The following SRPK3 variants were observed in gnomAD, a reference collection of about 807,000 sequenced individuals.
SRPK3 encodes SRSF protein kinase 3.
SRPK3 carries 26 observed loss-of-function variants against 45.3 expected under a neutral mutation model. That is an observed-to-expected ratio of 0.57 (90% confidence interval 0.42 to 0.80). The LOEUF (loss-of-function observed/expected upper bound fraction) is 0.80, where lower values mean the gene tolerates loss of function less well. SRPK3 is among the 30% of genes least tolerant of loss of function. The probability of loss-of-function intolerance (pLI) is 0.00; values close to 1 mark genes in which losing one functional copy is unlikely to be tolerated. For missense variants in SRPK3, 536 were observed against 514.5 expected (o/e 1.04, Z -0.40); for synonymous variants, 254 against 226.6 (o/e 1.12, Z -1.09).
rs1196414259 is a variant in SRPK3, at chrX:153,781,812, G to A, written c.369G>A (p.Glu123=). The A allele has an allele frequency of 4.1e-6, 5 of 1,210,404 alleles. No individual in the cohort carries two copies. Among genetic ancestry groups the A allele is most frequent in the African/African-American group, 1.7e-5 (1 of 57,548 alleles). The part of the protein sequence containing the change: ...AGHYTETAVD[E]IKLLKCVRDS... ...ATTACACGGAGACAGCTGTGGATGA[G>A]ATCAAGCTCCTGAAATGTGTGAGGC... is the stretch of plus-strand genomic sequence containing the variant. Residue 123 remains glutamate, a synonymous_variant, in exon 4 of 15, where the codon GAG becomes GAA. Transcript: ENST00000370101.
chrX:153,783,730 G>A, intron 8 of SRPK3, 22 bp from the exon 9 acceptor site: 2 of 1,209,830 alleles, frequency 1.7e-6, no homozygotes, highest in South Asian at 3.5e-5. Context: ...CAGGAACCCT[G>A]GGGTGACCCT....
rs1475653143 is a variant in SRPK3, at chrX:153,781,086, G to A, written c.-1G>A. 16 of 1,079,251 alleles carry A rather than the reference G, an allele frequency of 1.5e-5. No individual in the cohort carries two copies. In the African/African-American group the frequency reaches 2.5e-4, roughly 17 times the overall value. 88.9% of individuals were successfully genotyped at this position (1,079,251 alleles called of 1,213,427 possible). On this transcript the variant is annotated 5_prime_UTR_variant, in exon 1 of 15. Transcript: ENST00000370101. ...CCGGAGCTGCGGGCTGCGTGGCCGG[G>A]ATGAGCGCCAGCACGGGCGGTGGTG... is the stretch of plus-strand genomic sequence containing the variant.
Position 153,782,803 on chromosome X carries a change from C to T in SRPK3, c.507C>T (p.His169=). Residue 169 remains histidine, a synonymous_variant, in exon 6 of 15, where the codon CAC becomes CAT. Coordinates refer to ENST00000370101, the MANE Select transcript of SRPK3 (RefSeq NM_014370.4). ...HVCMVLEVLG[H]QLLKWIIKSN... Reference sequence around the variant, plus strand: ...GCATGGTGCTGGAGGTGCTGGGCCACCAGCTCCTCAAATGGATCATCAAGT... The same window carrying T: ...GCATGGTGCTGGAGGTGCTGGGCCATCAGCTCCTCAAATGGATCATCAAGT... 5 of 1,210,715 alleles carry T rather than the reference C, an allele frequency of 4.1e-6. No homozygotes were observed. The highest frequency in any genetic ancestry group is 5.6e-6 in the Non-Finnish European group (5 of 895,159).
At position 153,782,858 on chromosome X, in the gene SRPK3, G is replaced by C. The variant is rs374171969; in HGVS notation, c.562G>C (p.Val188Leu). 3 of 1,209,454 alleles carry C rather than the reference G, an allele frequency of 2.5e-6. No homozygotes were observed. Among genetic ancestry groups the C allele is most frequent in the Non-Finnish European group, 3.4e-6 (3 of 894,701 alleles). ...CTACCAGGGCCTGCCCGTGCCCTGC[G>C]TGAAGAGCATCGTGAGGCAGGTGAG... ...SNYQGLPVPC[V>L]KSIVRQVLHG... Residue 188 changes from valine to leucine, a missense_variant, in exon 6 of 15, where the codon GTG becomes CTG. Transcript: ENST00000370101.
rs782105285 is a variant in SRPK3 at position 153,781,902 on chromosome X, C to T, written c.387+72C>T. 534 of 1,131,159 alleles carry T rather than the reference C, an allele frequency of 4.7e-4. 4 individuals are homozygous for T. In the Middle Eastern group the frequency reaches 5.2e-3, roughly 11 times the overall value. 93.2% of individuals were successfully genotyped at this position (1,131,159 alleles called of 1,213,427 possible). Reference sequence around the variant, plus strand: ...GGGCCTGGCAATGCGGGTGCAAGGCCTGCCGGGGCTCTGTGGGGCAGGGCG... The same window carrying T: ...GGGCCTGGCAATGCGGGTGCAAGGCTTGCCGGGGCTCTGTGGGGCAGGGCG... On this transcript the variant is annotated intron_variant, in intron 4 of 14. Transcript: ENST00000370101.
Position 153,784,348 on chromosome X carries a change from A to T in SRPK3, c.1202A>T (p.Asp401Val), listed in dbSNP as rs960338295. 1.7e-6 allele frequency: 2 copies of T among 1,210,324 alleles called. No individual in the cohort carries two copies. Among genetic ancestry groups the T allele is most frequent in the Admixed American group, 2.2e-5 (1 of 45,962 alleles). ...AACCCCCTGGAGCCCCAAAATGCAG[A>T]TAAGATCAAGATCAAGATCGCAGAC... ...LVNPLEPQNA[D>V]KIKIKIADLG... Residue 401 changes from aspartate (D) to valine (V), a missense_variant, in exon 11 of 15, where the codon GAT (aspartate) becomes GTT (valine). Coordinates refer to ENST00000370101, the MANE Select transcript of SRPK3 (RefSeq NM_014370.4).
In SRPK3 at chrX:153,785,693, AGT is replaced by A. The variant is rs1345951304; in HGVS notation, c.*180_*181del. On this transcript the variant is annotated 3_prime_UTR_variant, in exon 15 of 15. Transcript: ENST00000370101. ...GACCCCCGTGAGGGCTCTCGGAGAA[AGT>A]GTGTGTATTCCTTTCTTAATAAAGT... 7.6e-6 allele frequency: 6 copies of A among 790,040 alleles called. No homozygotes were observed. The highest frequency in any genetic ancestry group is 9.1e-6 in the Non-Finnish European group (5 of 548,689). The allele number at this position is 790,040 out of a possible 1,213,427, so 65.1% of individuals were successfully genotyped here.
rs1204687697 is a variant in SRPK3, at chrX:153,785,674, C to T, written c.*154C>T. 3.0e-5 allele frequency: 24 copies of T among 799,785 alleles called. No homozygotes were observed. Among genetic ancestry groups the T allele is most frequent in the Non-Finnish European group, 3.9e-5 (22 of 560,572 alleles). The allele number at this position is 799,785 out of a possible 1,213,427, so 65.9% of individuals were successfully genotyped here. Reference sequence around the variant, plus strand: ...CAGAGCGTGTTCTGCCTGAGACCCCCGTGAGGGCTCTCGGAGAAAGTGTGT... The same window carrying T: ...CAGAGCGTGTTCTGCCTGAGACCCCTGTGAGGGCTCTCGGAGAAAGTGTGT... On this transcript the variant is annotated 3_prime_UTR_variant, in exon 15 of 15. Transcript: ENST00000370101.
chrX:153,782,822 A>G lies in SRPK3; in HGVS notation c.526A>G (p.Ile176Val), dbSNP rs1487535563. Residue 176 changes from isoleucine (I) to valine (V), a missense_variant, in exon 6 of 15, where the codon ATC (isoleucine) becomes GTC (valine). By Grantham distance (29) the Ile-to-Val change is conservative (BLOSUM62 3). Coordinates refer to ENST00000370101, the MANE Select transcript of SRPK3 (RefSeq NM_014370.4). ...VLGHQLLKWIIKSNYQGLPVP... is the reference protein window; with the variant it reads ...VLGHQLLKWIVKSNYQGLPVP... ...GGGCCACCAGCTCCTCAAATGGATC[A>G]TCAAGTCCAACTACCAGGGCCTGCC... The G allele has an allele frequency of 1.7e-6, 2 of 1,210,074 alleles. No homozygotes were observed. Among genetic ancestry groups the G allele is most frequent in the East Asian group, 5.9e-5 (2 of 33,777 alleles).
Position 153,784,301 on chromosome X carries a change from C to T in SRPK3, c.1155C>T (p.Phe385=), listed in dbSNP as rs370387545. 53 of 1,210,012 alleles carry T rather than the reference C, an allele frequency of 4.4e-5. No individual in the cohort carries two copies. Among genetic ancestry groups the T allele is most frequent in the Non-Finnish European group, 5.7e-5 (51 of 895,214 alleles). ...CTGCTCTGCCTTCCCCAGCACCATT[C>T]GGTGCCTCGAACCTCCTGGTGAACC... The part of the protein sequence containing the change: ...TGGLLSPSTP[F]GASNLLVNPL... Residue 385 remains phenylalanine (F), a synonymous_variant, in exon 11 of 15, where the codon TTC becomes TTT. Transcript: ENST00000370101.
At position 153,783,800 on chromosome X, in the gene SRPK3, C is replaced by T. The variant is rs781973588; in HGVS notation, c.823C>T (p.Arg275Trp). ...CAAGAGGAAGAAGATGAGGCGCAAACGGAAACAGCAGAAGCGGCTGCTGGA... is the reference window on the plus strand; with the variant it reads ...CAAGAGGAAGAAGATGAGGCGCAAATGGAAACAGCAGAAGCGGCTGCTGGA... ...KNKRKKMRRK[R>W]KQQKRLLEER... is the part of the protein sequence containing the mutation. Residue 275 changes from arginine to tryptophan, a missense_variant, in exon 9 of 15, where the codon CGG becomes TGG. Transcript: ENST00000370101. 5.0e-6 allele frequency: 6 copies of T among 1,209,363 alleles called. No individual in the cohort carries two copies. The highest frequency in any genetic ancestry group is 5.9e-5 in the East Asian group (2 of 33,770).
rs782242492 is a variant in SRPK3 at position 153,784,178 on chromosome X, A to G, written c.1112A>G (p.Asn371Ser). Residue 371 changes from asparagine to serine, a missense_variant, in exon 10 of 15, where the codon AAT (asparagine) becomes AGT (serine). Transcript: ENST00000370101. ...TGCTCCATCCTCTCCGGCTCGTCCA[A>G]TCAGCGAGAGACCGGGGGCCTCCTG... ...ASCSILSGSS[N>S]QRETGGLLSP... is the part of the protein sequence containing the mutation. 35 of 1,209,514 alleles carry G rather than the reference A, an allele frequency of 2.9e-5. No homozygotes were observed. The highest frequency in any genetic ancestry group is 4.5e-6 in the Non-Finnish European group (4 of 895,204).
intron 8 of SRPK3, 136 bp downstream of exon 8, chrX:153,783,387 G>A (rs1023502714): frequency 1.8e-5 from 9 of 496,669 alleles, no homozygotes; most frequent in Non-Finnish European, 2.0e-5. Context: ...CTGGGTGGCT[G>A]GGCTGACGGT....
intron 11 of SRPK3, 103 bp downstream of exon 11, chrX:153,784,497 C>A: frequency 1.0e-6 from 1 of 961,252 alleles, no homozygotes; most frequent in South Asian, 2.2e-5. Context: ...TGCACGTGAA[C>A]CGTCGGCTGG....
rs781933194 is a variant in SRPK3, at chrX:153,781,221, AGGCCTCCTGCGGGCCCGAGTCCTC to A, written c.68_91del (p.Ala23_Ser30del). 1.5e-5 allele frequency: 18 copies of A among 1,205,969 alleles called. No individual in the cohort carries two copies. Among genetic ancestry groups the A allele is most frequent in the Non-Finnish European group, 2.0e-5 (18 of 893,337 alleles). ...GCCACTCACCCCACCCGCAGCTCAC[AGGCCTCCTGCGGGCCCGAGTCCTC>A]GGGCTCCGAACTAGCCCTGGCCACA... is the stretch of plus-strand genomic sequence containing the variant. On this transcript the variant is annotated inframe_deletion, in exon 2 of 15. Coordinates refer to ENST00000370101, the MANE Select transcript of SRPK3 (RefSeq NM_014370.4).
At position 153,781,070 on chromosome X, in the gene SRPK3, C is replaced by T. The variant is rs1557066582; in HGVS notation, c.-17C>T. 11 of 1,053,823 alleles carry T rather than the reference C, an allele frequency of 1.0e-5. No individual in the cohort carries two copies. The highest frequency in any genetic ancestry group is 8.5e-6 in the Non-Finnish European group (7 of 823,839). 86.8% of individuals were successfully genotyped at this position (1,053,823 alleles called of 1,213,427 possible). On this transcript the variant is annotated 5_prime_UTR_variant, in exon 1 of 15. Transcript: ENST00000370101. ...GCAGCCGCCCGGGGCACCGGAGCTG[C>T]GGGCTGCGTGGCCGGGATGAGCGCC...
rs371637307 is a variant in SRPK3 at position 153,783,029 on chromosome X, T to A, written c.659T>A (p.Leu220Gln). ...HTDIKPENIL[L>Q]CVGDAYIRRL... is the part of the protein sequence containing the mutation. ...GACATCAAGCCCGAGAACATCTTGC[T>A]GTGTGTGGGGGACGCTTACATCAGG... is the stretch of plus-strand genomic sequence containing the variant. The change falls in exon 7 of 15, where the codon CTG becomes CAG. Residue 220 changes from leucine to glutamine, a missense_variant. Coordinates refer to ENST00000370101, the MANE Select transcript of SRPK3 (RefSeq NM_014370.4). The A allele has an allele frequency of 2.7e-5, 32 of 1,184,212 alleles. No homozygotes were observed. Among genetic ancestry groups the A allele is most frequent in the Non-Finnish European group, 3.3e-5 (29 of 881,063 alleles).
Position 153,785,030 on chromosome X carries a change from C to T in SRPK3, c.1426+27C>T, listed in dbSNP as rs782388834. On this transcript the variant is annotated intron_variant, in intron 13 of 14. Coordinates refer to ENST00000370101, the MANE Select transcript of SRPK3 (RefSeq NM_014370.4). Reference sequence around the variant, plus strand: ...TAAGGGGTGAGGGCTCTGGGCTCAGCCTCCCGGCCTCCCGGCCTGCCTGCC... The same window carrying T: ...TAAGGGGTGAGGGCTCTGGGCTCAGTCTCCCGGCCTCCCGGCCTGCCTGCC... The T allele has an allele frequency of 2.6e-5, 32 of 1,209,263 alleles. No individual in the cohort carries two copies. The East Asian group carries it at 8.6e-4, about 32-fold the overall frequency.
At chrX:153,783,198 CCCCA>C in intron 7 of SRPK3, 24 bp from the exon 8 acceptor site, 2 of 974,198 alleles carry the variant, frequency 2.1e-6, no homozygotes, top group Non-Finnish European at 2.8e-6. Flanking sequence ...CCCTGTCCCC[CCCCA>C]CCGCTCCCCA....
Sources: gnomAD v4.1 joint callset for allele counts on GRCh38, gnomAD v4.1.1 for gene constraint, MANE v1.5 for transcripts, NCBI Gene and HGNC (gene_info 2026-07-23, HGNC 2026-07-21) for gene names.